C6orf52: variants seen among roughly 807,000 people sequenced by gnomAD.
C6orf52 encodes putative uncharacterized protein C6orf52.
In C6orf52, 16 loss-of-function variants were observed where a neutral mutation model predicts 16.6. The observed-to-expected ratio is 0.96, with a 90% CI of 0.65 to 1.46. The LOEUF (loss-of-function observed/expected upper bound fraction) is 1.46. Among genes scored for constraint, C6orf52 ranks in the 40% most tolerant of loss-of-function variants. C6orf52 has a pLI of 0.00. For missense variants in C6orf52, 166 were observed against 182.3 expected (o/e 0.91, Z 0.52); for synonymous variants, 53 against 61.4 (o/e 0.86, Z 0.64).
At chr6:10,694,839 C>T (rs1769731067), upstream of C6orf52, 1 of 610,252 alleles carries the variant, frequency 1.6e-6, no homozygotes, top group Non-Finnish European at 2.9e-6. Context: ...ACGTTACAGG[C>T]GACTTAAAGG....
chr6:10,694,260 CA>C (rs57435593), intron 1 of C6orf52, among the ~76,000 whole-genome samples: 733 of 62,470 alleles, frequency 0.012, 10 homozygotes, highest in East Asian at 0.094. Context: ...AACTCCGTCT[CA>C]AAAAAAAAAA....
chr6:10,672,770 C>G, intron 4 of C6orf52: 1 of 526,004 alleles, frequency 1.9e-6, no homozygotes, highest in South Asian at 2.7e-5. Flanking sequence ...AAGAAGAGAG[C>G]CCTCGCCAGA....
chr6:10,691,076 T>A (rs1769252020), intron 1 of C6orf52, among the ~76,000 whole-genome samples: 1 of 152,220 alleles, frequency 6.6e-6, no homozygotes, highest in Admixed American at 6.5e-5. Flanking sequence ...GGCTCTGTTA[T>A]TTAGCTGTGT....
intron 2 of C6orf52, 24 bp downstream of exon 2, chr6:10,687,456 T>C: frequency 6.7e-7 from 1 of 1,496,138 alleles, no homozygotes; most frequent in Non-Finnish European, 9.1e-7. Context: ...GCTTTCCTTT[T>C]CAAAGTAGGA....
intron 3 of C6orf52, among the ~76,000 whole-genome samples, chr6:10,684,428 G>C (rs1483166712): frequency 6.6e-6 from 1 of 152,232 alleles, no homozygotes; most frequent in African/African-American, 2.4e-5. Context: ...TCCTTTCAGT[G>C]TGTGTTCTGG....
At chr6:10,691,960 A>C (rs1769352822) in intron 1 of C6orf52, among the ~76,000 whole-genome samples, 1 of 152,236 alleles carries the variant, frequency 6.6e-6, no homozygotes, top group Non-Finnish European at 1.5e-5. Context: ...TAAGCAAGTA[A>C]AAGTGTGACA....
At chr6:10,688,436 T>C (rs1056249200) in intron 1 of C6orf52, among the ~76,000 whole-genome samples, 3 of 152,240 alleles carry the variant, frequency 2.0e-5, no homozygotes, top group Non-Finnish European at 4.4e-5. Flanking sequence ...TGCAGCTTGC[T>C]AATAACTAAG....
At chr6:10,694,731 AT>A (rs940296505), upstream of C6orf52, 4 of 389,156 alleles carry the variant, frequency 1.0e-5, no homozygotes, top group East Asian at 4.5e-5. Context: ...CTTGCCCCCG[AT>A]TTTTTTCTCC....
intron 4 of C6orf52, chr6:10,672,506 CT>C: frequency 1.5e-6 from 1 of 677,498 alleles, no homozygotes; most frequent in Non-Finnish European, 2.7e-6. Flanking sequence ...AAGTAGTGCC[CT>C]TATAAAAAGC....
At chr6:10,678,957 G>T (rs891133974) in intron 4 of C6orf52, among the ~76,000 whole-genome samples, 3 of 152,010 alleles carry the variant, frequency 2.0e-5, no homozygotes, top group Non-Finnish European at 4.4e-5. Context: ...GCCAGGCATG[G>T]TGGTGCTTGC....
At chr6:10,677,088 G>T (rs1175660600) in intron 4 of C6orf52, among the ~76,000 whole-genome samples, 1 of 152,130 alleles carries the variant, frequency 6.6e-6, no homozygotes. Context: ...AAAAATCATT[G>T]CCCAGACCAA....
chr6:10,693,020 T>C (rs1192216064), intron 1 of C6orf52, among the ~76,000 whole-genome samples: 4 of 152,230 alleles, frequency 2.6e-5, no homozygotes, highest in African/African-American at 7.2e-5. Context: ...TTAGAAACAA[T>C]AGTTTCTTTT....
At chr6:10,679,315 C>T (rs995785174) in intron 4 of C6orf52, among the ~76,000 whole-genome samples, 7 of 151,432 alleles carry the variant, frequency 4.6e-5, no homozygotes, top group African/African-American at 1.7e-4. Context: ...TGGCAGGTGC[C>T]TCTAGTCCCA....
chr6:10,672,861 G>A (rs1767551609), intron 4 of C6orf52, among the ~76,000 whole-genome samples: 1 of 152,164 alleles, frequency 6.6e-6, no homozygotes, highest in South Asian at 2.1e-4. Context: ...AAACCACCCA[G>A]TCTGTGGTAC....
chr6:10,692,799 C>G (rs750022617), intron 1 of C6orf52, among the ~76,000 whole-genome samples: 10 of 152,160 alleles, frequency 6.6e-5, no homozygotes, highest in Non-Finnish European at 1.3e-4. Context: ...GCTGGGATTA[C>G]AGGAGTGAGC....
intron 3 of C6orf52, chr6:10,685,007 T>C: frequency 1.4e-6 from 1 of 697,066 alleles, no homozygotes; most frequent in Non-Finnish European, 2.0e-6. Context: ...GAGGGTGAGA[T>C]AAAAATCCCA....
intron 2 of C6orf52, 61 bp from the exon 3 acceptor site, chr6:10,687,225 C>T (rs1768933064): frequency 7.8e-7 from 1 of 1,278,198 alleles, no homozygotes; most frequent in African/African-American, 1.5e-5. Flanking sequence ...CAAACCCTTT[C>T]TTCTTTCCAG....
chr6:10,680,822 A>T (rs1768313392), intron 4 of C6orf52, among the ~76,000 whole-genome samples: 1 of 152,080 alleles, frequency 6.6e-6, no homozygotes, highest in South Asian at 2.1e-4. Context: ...TTTTTTTGAG[A>T]CAGGGTCTCA....
chr6:10,693,101 CG>C (rs1439870770), intron 1 of C6orf52, among the ~76,000 whole-genome samples: 2 of 152,182 alleles, frequency 1.3e-5, no homozygotes, highest in Non-Finnish European at 2.9e-5. Context: ...TATGTAACTG[CG>C]GGACATGCTC....
Sources: gnomAD v4.1 joint callset for allele counts (sites outside exome capture counted in the v4.1 genomes callset) on GRCh38, gnomAD v4.1.1 for gene constraint, MANE v1.5 for transcripts, NCBI Gene and HGNC (gene_info 2026-07-23, HGNC 2026-07-21) for gene names.